The following ELMO1 variants were observed in gnomAD, a reference collection of about 807,000 sequenced individuals.
ELMO1 encodes the protein engulfment and cell motility 1.
Under a neutral mutation model 98.9 loss-of-function variants are expected in ELMO1, and 26 were observed. The ratio of observed to expected loss-of-function variants is 0.26; its 90% CI spans 0.19 to 0.36. The LOEUF (loss-of-function observed/expected upper bound fraction) is 0.36, where lower values mean the gene tolerates loss of function less well. Ranked by LOEUF, ELMO1 falls within the 10% of genes least tolerant of loss-of-function variation. The pLI is 1.00. For missense variants in ELMO1, 627 were observed against 935.2 expected (o/e 0.67, Z 4.30); for synonymous variants, 346 against 346.0 (o/e 1.00, Z 0.00).
intron 16 of ELMO1, among the ~76,000 whole-genome samples, chr7:36,980,865 C>T (rs979686214): frequency 6.6e-6 from 1 of 152,060 alleles, no homozygotes; most frequent in Non-Finnish European, 1.5e-5. Context: ...TCCAACCCTG[C>T]CTATGGTTTA....
intron 6 of ELMO1, among the ~76,000 whole-genome samples, chr7:37,245,871 C>T (rs1218621937): frequency 1.3e-5 from 2 of 152,130 alleles, no homozygotes; most frequent in Admixed American, 6.6e-5. Flanking sequence ...CAGGCCACAT[C>T]AGGGACACGC....
At chr7:37,056,223 G>A (rs1200653765) in intron 15 of ELMO1, among the ~76,000 whole-genome samples, 1 of 152,166 alleles carries the variant, frequency 6.6e-6, no homozygotes, top group Non-Finnish European at 1.5e-5. Flanking sequence ...ACAAGGTTGT[G>A]TACCCAAGAG....
chr7:36,893,920 G>T (rs1441230526), intron 17 of ELMO1, among the ~76,000 whole-genome samples: 1 of 152,166 alleles, frequency 6.6e-6, no homozygotes, highest in Non-Finnish European at 1.5e-5. Context: ...AAAAGGGAAA[G>T]AATCAGAAAC....
At chr7:37,218,570 G>A (rs1411462926) in intron 10 of ELMO1, among the ~76,000 whole-genome samples, 2 of 152,062 alleles carry the variant, frequency 1.3e-5, no homozygotes, top group Non-Finnish European at 2.9e-5. Context: ...GAATCCATGG[G>A]GAATATTTTA....
chr7:36,857,553 C>A (rs913435971), intron 21 of ELMO1, among the ~76,000 whole-genome samples: 19 of 152,296 alleles, frequency 1.2e-4, no homozygotes, highest in African/African-American at 4.1e-4. Flanking sequence ...CACAGGAACA[C>A]TTCTGCAGCA....
At chr7:37,016,145 G>A (rs985213130) in intron 15 of ELMO1, among the ~76,000 whole-genome samples, 1 of 152,026 alleles carries the variant, frequency 6.6e-6, no homozygotes, top group Non-Finnish European at 1.5e-5. Context: ...GATTATTTGT[G>A]TACTTTATGC....
rs926061529 is a variant in ELMO1 at position 37,375,425 on chromosome 7, T to A, written c.-73-32662A>T. On this transcript the variant is annotated intron_variant, in intron 1 of 21. Transcript: ENST00000310758. ...CCCCTCCCATAGATAGCCTTGTTTA[T>A]GCCCAGGAATAGCAAGGGCAGTCAG... The A allele has an allele frequency of 8.1e-6, 5 of 618,794 alleles. No homozygotes were observed. The African/African-American group carries it at 9.1e-5, about 11-fold the overall frequency. The allele number at this position is 618,794 out of a possible 1,614,324, so 38.3% of individuals were successfully genotyped here.
At chr7:36,864,477 C>T (rs1355387270) in intron 20 of ELMO1, among the ~76,000 whole-genome samples, 5 of 152,180 alleles carry the variant, frequency 3.3e-5, no homozygotes, top group Admixed American at 2.6e-4. Context: ...CTCTGAGCTG[C>T]ATGTCTGTGT....
chr7:37,329,702 T>C (rs1178257739), intron 2 of ELMO1, among the ~76,000 whole-genome samples: 3 of 152,344 alleles, frequency 2.0e-5, no homozygotes, highest in Non-Finnish European at 2.9e-5. Context: ...TTTTCTATCT[T>C]GGCAGGTGTC....
At chr7:37,165,343 G>A (rs200979190) in intron 13 of ELMO1, among the ~76,000 whole-genome samples, 91,363 of 149,320 alleles carry the variant, frequency 0.61, 30,279 homozygotes, top group Non-Finnish European at 0.73. Flanking sequence ...TCTCCTGCCT[G>A]ATTGCCCTGG....
chr7:36,950,717 C>T (rs1018373649), intron 16 of ELMO1, among the ~76,000 whole-genome samples: 3 of 152,214 alleles, frequency 2.0e-5, no homozygotes, highest in Non-Finnish European at 4.4e-5. Flanking sequence ...GCTAGAGGGA[C>T]AGAGCCCTTA....
At chr7:36,941,247 C>T (rs1333530813) in intron 16 of ELMO1, among the ~76,000 whole-genome samples, 6 of 152,220 alleles carry the variant, frequency 3.9e-5, no homozygotes, top group South Asian at 2.1e-4. Flanking sequence ...TCAGAAGTCA[C>T]AGATTTGCTT....
At position 36,965,731 on chromosome 7, in the gene ELMO1, T is replaced by C. The variant is rs534623613; in HGVS notation, c.1437+47568A>G. 3.8e-4 allele frequency among the ~76,000 whole-genome samples: 58 copies of C among 151,962 alleles called. 1 individual carries two copies. Among genetic ancestry groups the C allele is most frequent in the Admixed American group, 3.1e-3 (48 of 15,278 alleles). On this transcript the variant is annotated intron_variant, in intron 16 of 21. Transcript: ENST00000310758. ...TTACATGTTGCAGTCCATAAAGAAG[T>C]GGAAAGGTACAAATGGGAAAAAAAA...
chr7:37,334,635 A>T (rs1231754310), intron 2 of ELMO1, among the ~76,000 whole-genome samples: 1 of 152,180 alleles, frequency 6.6e-6, no homozygotes, highest in Non-Finnish European at 1.5e-5. Context: ...AAGGCCTTCT[A>T]TTGCCTGCCA....
intron 13 of ELMO1, among the ~76,000 whole-genome samples, chr7:37,144,007 G>A (rs187276631): frequency 6.6e-6 from 1 of 152,132 alleles, no homozygotes; most frequent in Admixed American, 6.5e-5. Flanking sequence ...CACCGCGACT[G>A]GCCTATCTTT....
At chr7:36,957,850 G>A (rs2129115117) in intron 16 of ELMO1, among the ~76,000 whole-genome samples, 1 of 152,232 alleles carries the variant, frequency 6.6e-6, no homozygotes, top group East Asian at 1.9e-4. Context: ...ACCTCGCTTT[G>A]CATGTAGCCC....
intron 16 of ELMO1, among the ~76,000 whole-genome samples, chr7:36,952,962 C>T (rs1380876305): frequency 2.2e-5 from 3 of 137,044 alleles, no homozygotes; most frequent in Non-Finnish European, 3.2e-5. Context: ...GAAGTCACTA[C>T]TCTTTTTTTT....
At chr7:37,164,185 G>C (rs1486213386) in intron 13 of ELMO1, among the ~76,000 whole-genome samples, 1 of 152,148 alleles carries the variant, frequency 6.6e-6, no homozygotes, top group Non-Finnish European at 1.5e-5. Flanking sequence ...TCATGGGGTT[G>C]TTTGTTATTT....
chr7:37,230,599 GA>G (rs1269025253), intron 8 of ELMO1, among the ~76,000 whole-genome samples: 1 of 152,170 alleles, frequency 6.6e-6, no homozygotes, highest in Non-Finnish European at 1.5e-5. Context: ...GGAATCAAAA[GA>G]GCTAATGTTG....
Sources: gnomAD v4.1 joint callset for allele counts (sites outside exome capture counted in the v4.1 genomes callset) on GRCh38, gnomAD v4.1.1 for gene constraint, MANE v1.5 for transcripts, NCBI Gene and HGNC (gene_info 2026-07-23, HGNC 2026-07-21) for gene names.